Variants in FGD4 observed in about 807,000 individuals in gnomAD.
The protein encoded by FGD4 is FYVE, RhoGEF and PH domain containing 4.
Under a neutral mutation model 102.0 loss-of-function variants are expected in FGD4, and 42 were observed. That is an observed-to-expected ratio of 0.41 (90% CI 0.32 to 0.53). FGD4 has a LOEUF of 0.53. Ranked by LOEUF, FGD4 falls within the 20% of genes least tolerant of loss-of-function variation. FGD4 has a pLI of 0.21. For synonymous variants in FGD4, 380 were observed against 375.7 expected (o/e 1.01, Z -0.13); for missense variants, 902 against 1,078.2 (o/e 0.84, Z 2.29).
intron 10 of FGD4, among the ~76,000 whole-genome samples, chr12:32,613,691 G>A (rs182706054): frequency 1.4e-4 from 22 of 152,202 alleles, no homozygotes; most frequent in African/African-American, 5.3e-4. Flanking sequence ...AGGATCTCTT[G>A]AGCCAAAGAG....
At chr12:32,498,180 C>T (rs147587721) in intron 1 of FGD4, among the ~76,000 whole-genome samples, 434 of 152,284 alleles carry the variant, frequency 2.8e-3, no homozygotes, top group Admixed American at 4.8e-3. Flanking sequence ...TGTGCCTAGG[C>T]GCTTTGGGTA....
At chr12:32,519,125 A>G (rs1268700541) in intron 1 of FGD4, among the ~76,000 whole-genome samples, 2 of 149,576 alleles carry the variant, frequency 1.3e-5, no homozygotes, top group East Asian at 1.9e-4. Flanking sequence ...TCAGGAAAAA[A>G]AAAAAAAAAA....
intron 15 of FGD4, among the ~76,000 whole-genome samples, chr12:32,636,443 T>G (rs10771970): frequency 0.44 from 66,872 of 151,560 alleles, 15,121 homozygotes; most frequent in Middle Eastern, 0.62. Flanking sequence ...TGAGGCAGGA[T>G]AATCGCTTGA....
intron 1 of FGD4, among the ~76,000 whole-genome samples, chr12:32,563,360 A>T (rs1269278396): frequency 7.0e-6 from 1 of 143,406 alleles, no homozygotes; most frequent in African/African-American, 2.7e-5. Flanking sequence ...CACATCCCAG[A>T]CGGGGTGGCG....
intron 1 of FGD4, among the ~76,000 whole-genome samples, chr12:32,407,672 C>T (rs1331821545): frequency 1.3e-5 from 2 of 152,160 alleles, no homozygotes; most frequent in African/African-American, 4.8e-5. Flanking sequence ...CTATCTGTTA[C>T]AGGTCTTTCC....
At chr12:32,432,860 T>A (rs1438193645) in intron 1 of FGD4, among the ~76,000 whole-genome samples, 3 of 152,210 alleles carry the variant, frequency 2.0e-5, no homozygotes, top group African/African-American at 7.2e-5. Context: ...ACTGAAATCC[T>A]GTTGAGTGCT....
intron 1 of FGD4, among the ~76,000 whole-genome samples, chr12:32,415,646 C>T (rs890322572): frequency 2.6e-5 from 4 of 152,116 alleles, no homozygotes; most frequent in African/African-American, 9.7e-5. Context: ...TTGTCTTGAT[C>T]TCCTGACCTC....
intron 2 of FGD4, among the ~76,000 whole-genome samples, chr12:32,567,766 C>T (rs530715350): frequency 6.7e-6 from 1 of 148,534 alleles, no homozygotes; most frequent in African/African-American, 2.5e-5. Context: ...TGGCTCACTG[C>T]GGCCTCCCCT....
At chr12:32,473,519 G>A (rs61576438) in intron 1 of FGD4, among the ~76,000 whole-genome samples, 4 of 151,858 alleles carry the variant, frequency 2.6e-5, no homozygotes, top group African/African-American at 9.7e-5. Flanking sequence ...CCAGAAGGAA[G>A]AAACTCCGAA....
chr12:32,603,493 C>G, intron 7 of FGD4, among the ~76,000 whole-genome samples: 1 of 151,660 alleles, frequency 6.6e-6, no homozygotes, highest in East Asian at 1.9e-4. Context: ...GTTTACTTAG[C>G]CATTCTCCTG....
chr12:32,625,440 T>C (rs2136943333), intron 13 of FGD4, among the ~76,000 whole-genome samples: 1 of 152,118 alleles, frequency 6.6e-6, no homozygotes, highest in Admixed American at 6.6e-5. Context: ...CAGCTAATTT[T>C]TGTATTTTTA....
intron 1 of FGD4, among the ~76,000 whole-genome samples, chr12:32,531,153 C>T (rs1394985899): frequency 5.3e-5 from 8 of 151,380 alleles, no homozygotes; most frequent in African/African-American, 1.5e-4. Flanking sequence ...GGTTTCACCA[C>T]GTTGGCCAGA....
chr12:32,625,143 G>T, intron 13 of FGD4, 75 bp downstream of exon 13: 4 of 1,276,764 alleles, frequency 3.1e-6, no homozygotes, highest in South Asian at 1.2e-5. Flanking sequence ...TAATCATTTT[G>T]TTCTCCAACC....
intron 3 of FGD4, among the ~76,000 whole-genome samples, chr12:32,580,805 T>C (rs1343693206): frequency 6.7e-6 from 1 of 150,010 alleles, no homozygotes; most frequent in African/African-American, 2.5e-5. Context: ...GAGAATGGTG[T>C]GAACCCGGGA....
At position 32,634,089 on chromosome 12, in the gene FGD4, T is replaced by C. The variant is rs374300779; in HGVS notation, c.2313+400T>C. On this transcript the variant is annotated intron_variant, in intron 15 of 16. Coordinates refer to ENST00000534526, the MANE Select transcript of FGD4 (RefSeq NM_001370298.3). ...AACAATTTGTATAATGAGCAAGATT[T>C]ATGCTTTTGTTCTATTTTGCTGACT... 9.2e-5 allele frequency among the ~76,000 whole-genome samples: 14 copies of C among 152,352 alleles called. No individual in the cohort carries two copies. The East Asian group carries it at 2.7e-3, about 29-fold the overall frequency.
intron 5 of FGD4, chr12:32,600,309 A>T (rs145432385): frequency 5.7e-6 from 2 of 350,688 alleles, no homozygotes; most frequent in African/African-American, 2.2e-5. Flanking sequence ...CTCGTCAGCC[A>T]CTGCTGCTGA....
At chr12:32,564,017 G>A (rs1944958196) in intron 1 of FGD4, 120 bp from the exon 2 acceptor site, 6 of 706,668 alleles carry the variant, frequency 8.5e-6, no homozygotes, top group East Asian at 6.0e-5. Context: ...GTGGAAAGGG[G>A]AGAGGGAGAG....
chr12:32,602,212 T>C lies in FGD4; in HGVS notation c.1299T>C (p.Leu433=). The change falls in exon 7 of 17, where the codon CTT becomes CTC. Residue 433 remains leucine, a synonymous_variant. Coordinates refer to ENST00000534526, the MANE Select transcript of FGD4 (RefSeq NM_001370298.3). ...TCCTTCAGAAATTGGCACCATTCCT[T>C]AAGATGTATGGAGAATATGTGAAAG... is the stretch of plus-strand genomic sequence containing the variant. ...GDILQKLAPF[L]KMYGEYVKGF... 6.2e-7 allele frequency: 1 copy of C among 1,614,048 alleles called. No individual in the cohort carries two copies. Among genetic ancestry groups the C allele is most frequent in the Non-Finnish European group, 8.5e-7 (1 of 1,179,920 alleles).
chr12:32,619,800 A>C lies in FGD4; in HGVS notation c.1852A>C (p.Thr618Pro). Reference protein sequence around the residue: ...VGIDGMKIVETQNEEYPHTFQ... With the variant: ...VGIDGMKIVEPQNEEYPHTFQ... The stretch of plus-strand genomic sequence containing the variant: ...CATTGATGGAATGAAAATTGTAGAG[A>C]CTCAAAATGAAGAATATCCACATAC... The change falls in exon 11 of 17, where the codon ACT (threonine) becomes CCT (proline). Residue 618 changes from threonine (T) to proline (P), a missense_variant. By Grantham distance (38) the Thr-to-Pro change is conservative. Transcript: ENST00000534526. The C allele has an allele frequency of 6.2e-7, 1 of 1,614,180 alleles. No homozygotes were observed. The highest frequency in any genetic ancestry group is 8.5e-7 in the Non-Finnish European group (1 of 1,180,028).
Sources: gnomAD v4.1 joint callset for allele counts (sites outside exome capture counted in the v4.1 genomes callset) on GRCh38, gnomAD v4.1.1 for gene constraint, MANE v1.5 for transcripts, NCBI Gene and HGNC (gene_info 2026-07-23, HGNC 2026-07-21) for gene names.